Variants in MACO1 observed in about 807,000 individuals in gnomAD.
MACO1 encodes macoilin.
In MACO1, 14 loss-of-function variants were observed where a neutral mutation model predicts 78.7. That is an observed-to-expected ratio of 0.18 (90% CI 0.12 to 0.28). The LOEUF is 0.28. Ranked by LOEUF, MACO1 falls within the 10% of genes least tolerant of loss-of-function variation. The pLI, the probability that MACO1 is intolerant of heterozygous loss-of-function variation, is 1.00. For synonymous variants in MACO1, 288 were observed against 291.6 expected (o/e 0.99, Z 0.12); for missense variants, 501 against 799.0 (o/e 0.63, Z 4.50).
At chr1:25,468,103 A>AT (rs142043788) in intron 6 of MACO1, among the ~76,000 whole-genome samples, 27 of 150,532 alleles carry the variant, frequency 1.8e-4, no homozygotes, top group South Asian at 4.2e-4. Context: ...AGAATTTCAG[A>AT]TTTTTTTTTT....
At chr1:25,478,405 C>A (rs1042615510) in intron 6 of MACO1, among the ~76,000 whole-genome samples, 1 of 152,200 alleles carries the variant, frequency 6.6e-6, no homozygotes, top group Non-Finnish European at 1.5e-5. Context: ...AAATGTAAAT[C>A]TCTTCCTCTT....
At chr1:25,431,227 T>C (rs1206828063) in intron 1 of MACO1, 49 bp downstream of exon 1, 2 of 1,448,248 alleles carry the variant, frequency 1.4e-6, no homozygotes, top group Admixed American at 4.2e-5. Flanking sequence ...GCGGTCCCCC[T>C]CCAGCTCCGA....
intron 5 of MACO1, among the ~76,000 whole-genome samples, chr1:25,458,089 G>C (rs1390138964): frequency 6.6e-6 from 1 of 152,132 alleles, no homozygotes; most frequent in East Asian, 1.9e-4. Context: ...CACAAAGTGT[G>C]ACCTAATTAT....
chr1:25,491,498 A>T lies in MACO1; in HGVS notation c.1706A>T (p.Glu569Val). The T allele has an allele frequency of 6.2e-7, 1 of 1,614,280 alleles. No homozygotes were observed. The highest frequency in any genetic ancestry group is 8.5e-7 in the Non-Finnish European group (1 of 1,180,054). Reference protein sequence around the residue: ...SAMQDKTQHLENSLSAETRIK... With the variant: ...SAMQDKTQHLVNSLSAETRIK... ...ATGCAAGACAAAACACAGCACCTGG[A>T]GAACAGCTTAAGTGCAGAGACGAGA... Residue 569 changes from glutamate (E) to valine (V), a missense_variant, in exon 10 of 11, where the codon GAG (glutamate) becomes GTG (valine). Glu to Val is a moderately radical substitution (Grantham distance 121). Transcript: ENST00000374343.
intron 9 of MACO1, 86 bp from the exon 10 acceptor site, chr1:25,491,324 G>A: frequency 1.3e-6 from 2 of 1,562,436 alleles, no homozygotes; most frequent in Non-Finnish European, 1.7e-6. Context: ...CAAGAATAGT[G>A]GGATTTAATT....
chr1:25,460,962 A>G (rs1434878153), intron 6 of MACO1, among the ~76,000 whole-genome samples: 1 of 152,104 alleles, frequency 6.6e-6, no homozygotes. Flanking sequence ...AATGTTATAA[A>G]AAATAAGGGG....
At chr1:25,462,705 C>A (rs2043182103) in intron 6 of MACO1, among the ~76,000 whole-genome samples, 2 of 104,526 alleles carry the variant, frequency 1.9e-5, no homozygotes, top group Admixed American at 2.1e-4. Flanking sequence ...GGGGAAAATT[C>A]ATTACTGCTC....
chr1:25,442,674 T>TA (rs1178493091), intron 1 of MACO1, among the ~76,000 whole-genome samples: 4 of 151,048 alleles, frequency 2.6e-5, no homozygotes, highest in East Asian at 1.9e-4. Flanking sequence ...TGGATTGAGG[T>TA]AAAAAAATGG....
At chr1:25,437,066 C>T (rs2042924943) in intron 1 of MACO1, among the ~76,000 whole-genome samples, 1 of 152,034 alleles carries the variant, frequency 6.6e-6, no homozygotes, top group Non-Finnish European at 1.5e-5. Context: ...CCACTCAGCA[C>T]AGAGGAGTGG....
At chr1:25,469,420 A>G (rs1467720334) in intron 6 of MACO1, among the ~76,000 whole-genome samples, 1 of 152,058 alleles carries the variant, frequency 6.6e-6, no homozygotes, top group East Asian at 1.9e-4. Flanking sequence ...TTTATGTTTT[A>G]TGATTTTAAA....
intron 6 of MACO1, among the ~76,000 whole-genome samples, chr1:25,475,315 A>G (rs1433344567): frequency 6.6e-6 from 1 of 152,202 alleles, no homozygotes; most frequent in Non-Finnish European, 1.5e-5. Context: ...ACTGTACTCC[A>G]GCCTGGGCAA....
intron 3 of MACO1, among the ~76,000 whole-genome samples, chr1:25,449,975 C>T (rs1279360139): frequency 1.3e-5 from 2 of 152,166 alleles, no homozygotes; most frequent in African/African-American, 4.8e-5. Flanking sequence ...GCTGAGACTG[C>T]GCCACTGCAC....
chr1:25,462,350 G>A (rs549497572), intron 6 of MACO1, among the ~76,000 whole-genome samples: 1 of 152,124 alleles, frequency 6.6e-6, no homozygotes, highest in South Asian at 2.1e-4. Context: ...TTTGTTGCAA[G>A]GGCATATTGC....
chr1:25,458,046 C>T lies in MACO1; in HGVS notation c.653-345C>T, dbSNP rs528119393. On this transcript the variant is annotated intron_variant, in intron 5 of 10. Coordinates refer to ENST00000374343, the MANE Select transcript of MACO1 (RefSeq NM_018202.6). ...CTTAGGATCTGCCTTTGTCCTCTCA[C>T]CTCAGTGATAGGCGAGTTTGATTTG... 2.6e-5 allele frequency among the ~76,000 whole-genome samples: 4 copies of T among 152,302 alleles called. No homozygotes were observed. In the South Asian group the frequency reaches 8.3e-4, roughly 32 times the overall value.
At chr1:25,466,745 ACT>A in intron 6 of MACO1, among the ~76,000 whole-genome samples, 1 of 152,162 alleles carries the variant, frequency 6.6e-6, no homozygotes, top group South Asian at 2.1e-4. Flanking sequence ...GAGGCTTTTT[ACT>A]CTCTTCACAG....
At chr1:25,481,658 G>T (rs935412748) in intron 6 of MACO1, among the ~76,000 whole-genome samples, 32 of 152,278 alleles carry the variant, frequency 2.1e-4, no homozygotes, top group African/African-American at 6.0e-4. Context: ...ATATTCTTTG[G>T]GCTACTTAGG....
intron 2 of MACO1, among the ~76,000 whole-genome samples, chr1:25,448,418 C>T (rs368561397): frequency 1.1e-3 from 174 of 152,032 alleles, no homozygotes; most frequent in African/African-American, 4.0e-3. Context: ...GAGCCAAGAT[C>T]GCACCACTGC....
chr1:25,494,027 G>A (rs1406268638), intron 10 of MACO1, among the ~76,000 whole-genome samples: 3 of 152,114 alleles, frequency 2.0e-5, no homozygotes, highest in South Asian at 2.1e-4. Flanking sequence ...CACCGTGCCC[G>A]GCCAGATAGT....
chr1:25,489,229 A>G lies in MACO1; in HGVS notation c.1553A>G (p.Lys518Arg), dbSNP rs769980007. 13 of 1,614,006 alleles carry G rather than the reference A, an allele frequency of 8.1e-6. No individual in the cohort carries two copies. In the East Asian group the frequency reaches 2.2e-4, roughly 28 times the overall value. ...NRIRELEAEG[K>R]KLTMDMKVKE... ...ATCAGAGAACTAGAAGCAGAGGGCA[A>G]GAAGCTCACGATGGACATGAAGGTG... Residue 518 changes from lysine (K) to arginine (R), a missense_variant, in exon 9 of 11, where the codon AAG becomes AGG. Lys to Arg is a conservative substitution (Grantham distance 26). Coordinates refer to ENST00000374343, the MANE Select transcript of MACO1 (RefSeq NM_018202.6).
Sources: allele counts gnomAD v4.1 joint callset (sites outside exome capture counted in the v4.1 genomes callset), GRCh38; gene constraint gnomAD v4.1.1; transcripts MANE v1.5; gene names NCBI Gene and HGNC (gene_info 2026-07-23, HGNC 2026-07-21).